Variants in TRIQK observed in about 807,000 individuals in gnomAD.
The protein encoded by TRIQK is triple QxxK/R motif-containing protein.
TRIQK carries 10 observed loss-of-function variants against 10.8 expected under a neutral mutation model. That is an observed-to-expected ratio of 0.92 (90% CI 0.57 to 1.57). TRIQK has a LOEUF of 1.57. Among genes scored for constraint, TRIQK ranks in the 40% most tolerant of loss-of-function variants. The pLI is 0.00. For missense variants in TRIQK, 107 were observed against 97.7 expected (o/e 1.09, Z -0.40); for synonymous variants, 33 against 33.7 (o/e 0.98, Z 0.07).
rs1270809858 is a variant in TRIQK at position 92,916,186 on chromosome 8, A to G, written c.61+743T>C. Among the ~76,000 whole-genome samples the G allele has an allele frequency of 4.6e-5, 7 of 152,210 alleles. No homozygotes were observed. In the East Asian group the frequency reaches 1.3e-3, roughly 29 times the overall value. ...TGCAGTTATAGGATATTGATTGTTTATAACTTGGGATACTTTCTTTGTGAC... is the reference window on the plus strand; with the variant it reads ...TGCAGTTATAGGATATTGATTGTTTGTAACTTGGGATACTTTCTTTGTGAC... On this transcript the variant is annotated intron_variant, in intron 3 of 4. Coordinates refer to ENST00000521988, the MANE Select transcript of TRIQK (RefSeq NM_001171797.2).
At chr8:92,935,081 C>T (rs1049642029) in intron 2 of TRIQK, among the ~76,000 whole-genome samples, 1 of 151,720 alleles carries the variant, frequency 6.6e-6, no homozygotes, top group Non-Finnish European at 1.5e-5. Context: ...ATCTCCTATT[C>T]CCTAATTCCC....
At chr8:92,955,357 C>A (rs567727993) in intron 1 of TRIQK, among the ~76,000 whole-genome samples, 1 of 151,658 alleles carries the variant, frequency 6.6e-6, no homozygotes, top group South Asian at 2.1e-4. Context: ...AAAGAATAAT[C>A]CTTTTTAACA....
At chr8:92,904,085 A>C (rs1402989539) in intron 3 of TRIQK, among the ~76,000 whole-genome samples, 12 of 152,106 alleles carry the variant, frequency 7.9e-5, no homozygotes, top group Admixed American at 7.9e-4. Flanking sequence ...GAAATATTGA[A>C]GTGCAAAGAT....
chr8:93,013,031 A>G (rs1813351024), intron 1 of TRIQK, among the ~76,000 whole-genome samples: 1 of 152,136 alleles, frequency 6.6e-6, no homozygotes, highest in Admixed American at 6.6e-5. Flanking sequence ...GTGTCTGAGA[A>G]CCATGATGTC....
intron 1 of TRIQK, among the ~76,000 whole-genome samples, chr8:92,994,758 C>T (rs1387451874): frequency 3.3e-5 from 5 of 151,940 alleles, no homozygotes; most frequent in African/African-American, 1.2e-4. Context: ...CTCTATTTAT[C>T]CACTGCCTTA....
At chr8:92,908,904 A>G (rs1275099655) in intron 3 of TRIQK, among the ~76,000 whole-genome samples, 1 of 152,004 alleles carries the variant, frequency 6.6e-6, no homozygotes, top group African/African-American at 2.4e-5. Flanking sequence ...TTTAGAATAA[A>G]TCTCACCAAA....
chr8:93,001,245 T>G (rs1813208083), intron 1 of TRIQK, among the ~76,000 whole-genome samples: 1 of 149,778 alleles, frequency 6.7e-6, no homozygotes, highest in Admixed American at 6.7e-5. Flanking sequence ...AGGTAGAGCT[T>G]GCAGTGAGCT....
intron 3 of TRIQK, among the ~76,000 whole-genome samples, chr8:92,893,056 G>C (rs760955817): frequency 4.6e-5 from 7 of 151,708 alleles, no homozygotes; most frequent in African/African-American, 1.7e-4. Flanking sequence ...TCGATGACCA[G>C]TTCCTTTACA....
chr8:92,961,418 G>A (rs773997953), intron 1 of TRIQK, among the ~76,000 whole-genome samples: 2 of 152,010 alleles, frequency 1.3e-5, no homozygotes, highest in Non-Finnish European at 2.9e-5. Context: ...GAGAGATTCA[G>A]TACTATATAC....
At chr8:92,970,092 C>A (rs557016998), upstream of TRIQK, among the ~76,000 whole-genome samples, 2 of 152,130 alleles carry the variant, frequency 1.3e-5, no homozygotes, top group Non-Finnish European at 2.9e-5. Flanking sequence ...TGGCTTCTGG[C>A]TCCATTCACG....
intron 3 of TRIQK, among the ~76,000 whole-genome samples, chr8:92,909,929 A>G (rs564145017): frequency 1.3e-5 from 2 of 151,788 alleles, no homozygotes; most frequent in South Asian, 4.1e-4. Flanking sequence ...CGCAAAATTA[A>G]GAAAAATTAA....
intron 2 of TRIQK, among the ~76,000 whole-genome samples, chr8:92,950,642 C>A (rs1189574421): frequency 2.0e-5 from 3 of 152,082 alleles, no homozygotes; most frequent in African/African-American, 4.8e-5. Context: ...AATAGCCTGA[C>A]TTTAGATAAA....
intron 1 of TRIQK, among the ~76,000 whole-genome samples, chr8:92,958,943 C>A (rs1812309543): frequency 6.6e-6 from 1 of 152,052 alleles, no homozygotes; most frequent in African/African-American, 2.4e-5. Flanking sequence ...ACTGTAAAAG[C>A]AGCCATAGAC....
At chr8:92,910,271 A>T (rs568492208) in intron 3 of TRIQK, among the ~76,000 whole-genome samples, 1 of 151,534 alleles carries the variant, frequency 6.6e-6, no homozygotes, top group South Asian at 2.1e-4. Flanking sequence ...TTATTGTCTA[A>T]GTTAAATAAG....
chr8:93,001,872 T>C (rs1335229423), intron 1 of TRIQK, among the ~76,000 whole-genome samples: 1 of 152,208 alleles, frequency 6.6e-6, no homozygotes, highest in Non-Finnish European at 1.5e-5. Flanking sequence ...CCAGGATAGA[T>C]TATATGTTAG....
chr8:92,947,231 C>T (rs901801903), intron 2 of TRIQK, among the ~76,000 whole-genome samples: 2 of 150,662 alleles, frequency 1.3e-5, no homozygotes, highest in Admixed American at 1.3e-4. Flanking sequence ...CTTCCTATGC[C>T]TCTCTCAACA....
At chr8:92,951,923 C>G (rs1001528516) in intron 2 of TRIQK, among the ~76,000 whole-genome samples, 18 of 152,070 alleles carry the variant, frequency 1.2e-4, no homozygotes, top group African/African-American at 4.3e-4. Context: ...AAAGCCAATG[C>G]TCACTAAATG....
At chr8:92,941,060 T>C (rs1811246961) in intron 2 of TRIQK, 3 of 152,030 alleles carry the variant, frequency 2.0e-5, no homozygotes, top group Non-Finnish European at 4.4e-5. Context: ...AAGGGAAATT[T>C]ATTTATTATT....
chr8:92,949,531 AGAAGGAAGGAAG>A (rs59992773), intron 2 of TRIQK, among the ~76,000 whole-genome samples: 19 of 145,578 alleles, frequency 1.3e-4, no homozygotes, highest in East Asian at 2.0e-4. Flanking sequence ...AAAGAAAGAA[AGAAGGAAGGAAG>A]GAAGGAAGGA....
Sources: gnomAD v4.1 joint callset for allele counts (sites outside exome capture counted in the v4.1 genomes callset) on GRCh38, gnomAD v4.1.1 for gene constraint, MANE v1.5 for transcripts, NCBI Gene and HGNC (gene_info 2026-07-23, HGNC 2026-07-21) for gene names.